The following RGS7 variants were observed in gnomAD, a reference collection of about 807,000 sequenced individuals.
RGS7 encodes regulator of G protein signaling 7, also known as regulator of G-protein signaling 7.
RGS7 carries 27 observed loss-of-function variants against 81.1 expected under a neutral mutation model. That is an observed-to-expected ratio of 0.33 (90% confidence interval 0.25 to 0.46). The LOEUF is 0.46. RGS7 is among the 20% of genes least tolerant of loss of function. The pLI, the probability that RGS7 is intolerant of heterozygous loss-of-function variation, is 1.00. For missense variants in RGS7, 396 were observed against 607.4 expected (o/e 0.65, Z 3.66); for synonymous variants, 208 against 207.7 (o/e 1.00, Z -0.01).
intron 4 of RGS7, among the ~76,000 whole-genome samples, chr1:240,973,746 C>T (rs540363282): frequency 7.4e-4 from 112 of 151,962 alleles, no homozygotes; most frequent in African/African-American, 2.5e-3. Flanking sequence ...CCCACCACCG[C>T]GCCCGGCTAA....
chr1:240,851,311 T>C (rs1008143848), intron 9 of RGS7, among the ~76,000 whole-genome samples: 4 of 152,292 alleles, frequency 2.6e-5, no homozygotes, highest in South Asian at 4.1e-4. Flanking sequence ...AAACAACAAA[T>C]CCTGGATGAC....
At chr1:241,117,092 A>G (rs1458720648) in intron 2 of RGS7, among the ~76,000 whole-genome samples, 1 of 152,194 alleles carries the variant, frequency 6.6e-6, no homozygotes, top group Non-Finnish European at 1.5e-5. Flanking sequence ...ATGGAAGATT[A>G]TATTTCAAAA....
intron 4 of RGS7, among the ~76,000 whole-genome samples, chr1:240,959,562 A>T (rs1345179786): frequency 6.6e-6 from 1 of 152,218 alleles, no homozygotes; most frequent in African/African-American, 2.4e-5. Context: ...TTTCAGCTCC[A>T]TTATAATCTC....
intron 2 of RGS7, among the ~76,000 whole-genome samples, chr1:241,111,148 G>A (rs1426193418): frequency 6.6e-6 from 1 of 152,054 alleles, no homozygotes; most frequent in African/African-American, 2.4e-5. Flanking sequence ...TGTCTTTGTT[G>A]TTTATAAATT....
chr1:240,818,971 G>A (rs1267357912), intron 10 of RGS7, among the ~76,000 whole-genome samples: 3 of 152,098 alleles, frequency 2.0e-5, no homozygotes, highest in Non-Finnish European at 2.9e-5. Flanking sequence ...TTGAGGTGAC[G>A]AATATGTTGA....
chr1:241,130,021 C>A (rs1311731497), intron 2 of RGS7, among the ~76,000 whole-genome samples: 1 of 152,190 alleles, frequency 6.6e-6, no homozygotes, highest in Non-Finnish European at 1.5e-5. Flanking sequence ...TCACTATGCT[C>A]CACCTCTCTG....
chr1:241,052,562 C>T (rs1177679384), intron 3 of RGS7, among the ~76,000 whole-genome samples: 1 of 152,136 alleles, frequency 6.6e-6, no homozygotes, highest in Non-Finnish European at 1.5e-5. Context: ...TTGACCTTCT[C>T]TATTTCTATA....
chr1:241,291,517 G>C (rs1573530056), intron 2 of RGS7, among the ~76,000 whole-genome samples: 1 of 151,414 alleles, frequency 6.6e-6, no homozygotes, highest in Non-Finnish European at 1.5e-5. Flanking sequence ...GCCTACTGAA[G>C]GGAAGGTAGG....
At chr1:241,049,360 CAT>C (rs2061128215) in intron 3 of RGS7, among the ~76,000 whole-genome samples, 1 of 152,314 alleles carries the variant, frequency 6.6e-6, no homozygotes, top group South Asian at 2.1e-4. Flanking sequence ...TTATTTACAA[CAT>C]AGATGCATTA....
chr1:241,008,183 C>A (rs1558589122), intron 3 of RGS7, among the ~76,000 whole-genome samples: 1 of 151,838 alleles, frequency 6.6e-6, no homozygotes, highest in Admixed American at 6.6e-5. Flanking sequence ...TCAAAAAAGA[C>A]CAAGTTTCTT....
rs111549894 is a variant in RGS7, at chr1:241,355,567, A to C, written c.78+132T>G. On this transcript the variant is annotated intron_variant, in intron 2 of 18. Coordinates refer to ENST00000440928, the MANE Select transcript of RGS7 (RefSeq NM_001364886.1). Reference sequence around the variant, plus strand: ...AGAATGTCAGATCACTTTCACGTATATAGTACATAATCACTGATGATCTGG... The same window carrying C: ...AGAATGTCAGATCACTTTCACGTATCTAGTACATAATCACTGATGATCTGG... 1,385 of 810,628 alleles carry C rather than the reference A, an allele frequency of 1.7e-3. 16 individuals carry two copies. The African/African-American group carries it at 0.019, about 11-fold the overall frequency. 50.2% of individuals were successfully genotyped at this position (810,628 alleles called of 1,614,324 possible).
chr1:241,205,076 A>ATTT (rs10649310), intron 2 of RGS7, among the ~76,000 whole-genome samples: 10 of 126,002 alleles, frequency 7.9e-5, no homozygotes, highest in Admixed American at 1.7e-4. Context: ...TTCATTTGTG[A>ATTT]TTTTTTTTTT....
At chr1:241,146,495 C>T (rs1164974841) in intron 2 of RGS7, among the ~76,000 whole-genome samples, 2 of 152,130 alleles carry the variant, frequency 1.3e-5, no homozygotes, top group Non-Finnish European at 2.9e-5. Flanking sequence ...AAGAGCCACA[C>T]GATTGTTCCC....
At chr1:240,827,864 C>CAAAAAAAAA (rs57562408) in intron 9 of RGS7, among the ~76,000 whole-genome samples, 4 of 52,858 alleles carry the variant, frequency 7.6e-5, no homozygotes, top group Middle Eastern at 0.011. Flanking sequence ...AACTCCATTG[C>CAAAAAAAAA]AAAAAAAAAA....
chr1:241,247,766 TTATAAGA>T (rs1463980262), intron 2 of RGS7, among the ~76,000 whole-genome samples: 1 of 152,170 alleles, frequency 6.6e-6, no homozygotes, highest in African/African-American at 2.4e-5. Flanking sequence ...AAGAAAATAA[TTATAAGA>T]TATATGTCCT....
At chr1:241,318,543 G>A (rs955046701) in intron 2 of RGS7, among the ~76,000 whole-genome samples, 1 of 151,638 alleles carries the variant, frequency 6.6e-6, no homozygotes, top group African/African-American at 2.4e-5. Context: ...CACAACCTCT[G>A]CCTCCTGGGT....
intron 3 of RGS7, among the ~76,000 whole-genome samples, chr1:241,070,259 G>C (rs1338745758): frequency 6.6e-6 from 1 of 150,432 alleles, no homozygotes; most frequent in Non-Finnish European, 1.5e-5. Flanking sequence ...ATAGCTTGCA[G>C]TGCTATTCCA....
chr1:240,962,614 T>C (rs911307239), intron 4 of RGS7, among the ~76,000 whole-genome samples: 1 of 152,072 alleles, frequency 6.6e-6, no homozygotes, highest in African/African-American at 2.4e-5. Context: ...TCTAATAATT[T>C]CAACAGGGAA....
intron 3 of RGS7, among the ~76,000 whole-genome samples, chr1:241,065,666 TGG>T (rs2062019127): frequency 6.6e-6 from 1 of 152,252 alleles, no homozygotes; most frequent in Non-Finnish European, 1.5e-5. Context: ...ATATTACTTA[TGG>T]TTATTCTTAA....
Sources: gnomAD v4.1 joint callset for allele counts (sites outside exome capture counted in the v4.1 genomes callset) on GRCh38, gnomAD v4.1.1 for gene constraint, MANE v1.5 for transcripts, NCBI Gene and HGNC (gene_info 2026-07-23, HGNC 2026-07-21) for gene names.